VPS13D: variants seen among roughly 807,000 people sequenced by gnomAD.
VPS13D encodes the protein vacuolar protein sorting 13 homolog D.
A neutral mutation model predicts 461.9 loss-of-function variants in VPS13D; 187 were observed. The observed-to-expected ratio is 0.40, with a 90% confidence interval of 0.36 to 0.46. The LOEUF (loss-of-function observed/expected upper bound fraction) is 0.46, where lower values mean the gene tolerates loss of function less well. VPS13D is among the 20% of genes least tolerant of loss of function. The probability of loss-of-function intolerance (pLI) is 0.60; values close to 1 mark genes in which losing one functional copy is unlikely to be tolerated. For synonymous variants in VPS13D, 1,951 were observed against 1,986.3 expected (o/e 0.98, Z 0.47); for missense variants, 4,711 against 5,364.9 (o/e 0.88, Z 3.81).
intron 20 of VPS13D, among the ~76,000 whole-genome samples, chr1:12,280,748 G>A (rs747006354): frequency 6.0e-4 from 91 of 152,098 alleles, no homozygotes; most frequent in Non-Finnish European, 1.2e-3. Context: ...CTTGGCCCCC[G>A]AAAGTGCTGG....
chr1:12,345,206 C>T (rs148166282), intron 42 of VPS13D, among the ~76,000 whole-genome samples, 168 bp from the exon 43 acceptor site: 2 of 152,296 alleles, frequency 1.3e-5, no homozygotes, highest in African/African-American at 4.8e-5. Context: ...AAGTGTAAAA[C>T]CCAGTTAAAC....
At chr1:12,404,927 A>C (rs1412108837) in intron 63 of VPS13D, among the ~76,000 whole-genome samples, 1 of 152,206 alleles carries the variant, frequency 6.6e-6, no homozygotes, top group East Asian at 1.9e-4. Flanking sequence ...GATAATACTC[A>C]AGACCTCCAT....
intron 1 of VPS13D, among the ~76,000 whole-genome samples, chr1:12,231,911 C>T (rs1281104882): frequency 6.6e-6 from 1 of 152,128 alleles, no homozygotes; most frequent in Non-Finnish European, 1.5e-5. Context: ...TCGCTTGAAC[C>T]CAGGAGATGG....
intron 69 of VPS13D, 29 bp from the exon 70 acceptor site, chr1:12,508,864 C>T (rs1361833169): frequency 6.2e-7 from 1 of 1,608,094 alleles, no homozygotes; most frequent in African/African-American, 1.3e-5. Context: ...ATCCTGGGGA[C>T]AGGTGACCCA....
At chr1:12,383,196 TC>T in intron 58 of VPS13D, 41 bp downstream of exon 58, 3 of 1,559,292 alleles carry the variant, frequency 1.9e-6, no homozygotes, top group Non-Finnish European at 2.6e-6. Context: ...ACTCTGTACT[TC>T]CTCCACCCCC....
At position 12,276,894 on chromosome 1, in the gene VPS13D, G is replaced by A. The variant is rs758179675; in HGVS notation, c.3306G>A (p.Val1102=). 1 of 1,614,132 alleles carries A rather than the reference G, an allele frequency of 6.2e-7. No individual in the cohort carries two copies. Among genetic ancestry groups the A allele is most frequent in the South Asian group, 1.1e-5 (1 of 91,050 alleles). Residue 1102 remains valine, a synonymous_variant, in exon 19 of 70, where the codon GTG becomes GTA. Transcript: ENST00000620676. The surrounding 1 kb of genome is among the most constrained non-coding windows in gnomAD (Gnocchi z 4.5). Reference sequence around the variant, plus strand: ...TGAATTTAGACAGTACTCTTCAGGTGATTTCCCTACAGGTGAATAATTTAG... The same window carrying A: ...TGAATTTAGACAGTACTCTTCAGGTAATTTCCCTACAGGTGAATAATTTAG... ...PSMNLDSTLQ[V]ISLQVNNLDI... is the part of the protein sequence containing the mutation.
At chr1:12,234,458 A>G in intron 2 of VPS13D, 95 bp downstream of exon 2, 1 of 998,124 alleles carries the variant, frequency 1.0e-6, no homozygotes, top group East Asian at 2.5e-5. Flanking sequence ...CCTAATGCCC[A>G]GATGGCTTTG....
At chr1:12,339,401 A>G (rs1407550348) in intron 40 of VPS13D, among the ~76,000 whole-genome samples, 2 of 152,230 alleles carry the variant, frequency 1.3e-5, no homozygotes, top group Non-Finnish European at 2.9e-5. Flanking sequence ...CTTACATAGC[A>G]TGACAACCTA....
intron 27 of VPS13D, among the ~76,000 whole-genome samples, chr1:12,310,799 C>T (rs1025039730): frequency 1.6e-4 from 19 of 121,082 alleles, no homozygotes; most frequent in Non-Finnish European, 3.1e-4. Context: ...TTCCTTCCCT[C>T]CCTCCCTCCC....
intron 67 of VPS13D, among the ~76,000 whole-genome samples, chr1:12,480,806 G>A (rs138713792): frequency 3.4e-4 from 52 of 152,312 alleles, no homozygotes; most frequent in African/African-American, 1.2e-3. Flanking sequence ...GCACTAACTA[G>A]AAGGTTCCCA....
intron 52 of VPS13D, among the ~76,000 whole-genome samples, chr1:12,363,482 G>A (rs1226952671): frequency 6.6e-6 from 1 of 152,128 alleles, no homozygotes; most frequent in African/African-American, 2.4e-5. Context: ...GTAACACTGA[G>A]CTCATATTTT....
At chr1:12,335,861 C>A in intron 39 of VPS13D, 34 bp downstream of exon 39, 1 of 1,612,818 alleles carries the variant, frequency 6.2e-7, no homozygotes, top group South Asian at 1.1e-5. Context: ...TTAACTAAAT[C>A]ACTTTTGACC....
intron 65 of VPS13D, among the ~76,000 whole-genome samples, chr1:12,447,524 C>A (rs1315540525): frequency 1.3e-5 from 2 of 152,130 alleles, no homozygotes; most frequent in Non-Finnish European, 2.9e-5. Flanking sequence ...TGGAAGTTTG[C>A]CCTTACCTAC....
intron 67 of VPS13D, among the ~76,000 whole-genome samples, chr1:12,492,906 C>T (rs1265919027): frequency 1.3e-5 from 2 of 152,062 alleles, no homozygotes; most frequent in Non-Finnish European, 2.9e-5. Context: ...AAGAACATAA[C>T]AAGAATGTAC....
Position 12,509,426 on chromosome 1 carries a change from T to C in VPS13D, c.*402T>C, listed in dbSNP as rs1190406424. 6.4e-6 allele frequency: 1 copy of C among 156,514 alleles called. No homozygotes were observed. The highest frequency in any genetic ancestry group is 1.4e-5 in the Non-Finnish European group (1 of 70,736). The allele number at this position is 156,514 out of a possible 1,614,324, so 9.7% of individuals were successfully genotyped here. A position where few individuals can be genotyped will look rare whatever the true frequency, so the allele number is the denominator to read the frequency against. On this transcript the variant is annotated 3_prime_UTR_variant, in exon 70 of 70. Coordinates refer to ENST00000620676, the MANE Select transcript of VPS13D (RefSeq NM_015378.4). Reference sequence around the variant, plus strand: ...ACTGTAAAGTAATATAAAGTTATATTGGATCTTCTATTGCACTAATTCTAG... The same window carrying C: ...ACTGTAAAGTAATATAAAGTTATATCGGATCTTCTATTGCACTAATTCTAG...
chr1:12,445,066 A>G (rs1645176233), intron 65 of VPS13D, among the ~76,000 whole-genome samples: 1 of 152,196 alleles, frequency 6.6e-6, no homozygotes, highest in South Asian at 2.1e-4. Flanking sequence ...AGTCTAGAGG[A>G]AGGATTCTTT....
intron 52 of VPS13D, among the ~76,000 whole-genome samples, chr1:12,368,186 T>C (rs776880015): frequency 8.5e-5 from 13 of 152,166 alleles, no homozygotes; most frequent in Non-Finnish European, 1.9e-4. Flanking sequence ...CACACACACA[T>C]ACATACATAC....
chr1:12,245,176 A>G (rs1488465608), intron 5 of VPS13D, among the ~76,000 whole-genome samples: 2 of 152,152 alleles, frequency 1.3e-5, no homozygotes, highest in Non-Finnish European at 2.9e-5. Context: ...TTTCTACTTC[A>G]ATTATACTTT....
intron 37 of VPS13D, among the ~76,000 whole-genome samples, chr1:12,331,572 C>G (rs1016495432): frequency 6.6e-6 from 1 of 151,434 alleles, no homozygotes; most frequent in South Asian, 2.1e-4. Flanking sequence ...ATTAGCCGGG[C>G]GTGGTGGTGG....
Sources: gnomAD v4.1 joint callset for allele counts (sites outside exome capture counted in the v4.1 genomes callset) on GRCh38, gnomAD v4.1.1 for gene constraint, Gnocchi (gnomAD v3.1) non-coding constraint, MANE v1.5 for transcripts, NCBI Gene and HGNC (gene_info 2026-07-23, HGNC 2026-07-21) for gene names.